The following GEMIN5 variants were observed in gnomAD, a reference collection of about 807,000 sequenced individuals.
GEMIN5 encodes the protein gem nuclear organelle associated protein 5.
In GEMIN5, 124 loss-of-function variants were observed where a neutral mutation model predicts 176.9. The ratio of observed to expected loss-of-function variants is 0.70; its 90% CI spans 0.61 to 0.81. The LOEUF is 0.81. GEMIN5 is among the 40% of genes least tolerant of loss of function. The pLI, the probability that GEMIN5 is intolerant of heterozygous loss-of-function variation, is 0.00. For synonymous variants in GEMIN5, 673 were observed against 665.2 expected (o/e 1.01, Z -0.18); for missense variants, 1,843 against 1,814.6 (o/e 1.02, Z -0.28).
At chr5:154,896,968 C>T (rs1763365062) in intron 23 of GEMIN5, among the ~76,000 whole-genome samples, 1 of 152,196 alleles carries the variant, frequency 6.6e-6, no homozygotes, top group South Asian at 2.1e-4. Flanking sequence ...GTCTCTGTTG[C>T]ACAAAACCAA....
At chr5:154,936,912 G>T in intron 2 of GEMIN5, 113 bp downstream of exon 2, 1 of 766,290 alleles carries the variant, frequency 1.3e-6, no homozygotes, top group Non-Finnish European at 2.1e-6. Context: ...TCTAATTAAT[G>T]AACACAATTA....
At chr5:154,914,515 T>C (rs1240664395) in intron 13 of GEMIN5, among the ~76,000 whole-genome samples, 1 of 151,058 alleles carries the variant, frequency 6.6e-6, no homozygotes, top group East Asian at 1.9e-4. Context: ...TTTACTTTTT[T>C]TTTTTTTTTT....
At position 154,903,636 on chromosome 5, in the gene GEMIN5, A is replaced by G. The variant is rs55847218; in HGVS notation, c.2633-461T>C. Among the ~76,000 whole-genome samples the G allele has an allele frequency of 9.7e-3, 1,483 of 152,302 alleles. 23 individuals are homozygous for G. Among genetic ancestry groups the G allele is most frequent in the African/African-American group, 0.033 (1,369 of 41,556 alleles). ...ATCTCCATCAAGACACAAGAAACTGATAATAGTTTGATTATGCAATACAGA... is the reference window on the plus strand; with the variant it reads ...ATCTCCATCAAGACACAAGAAACTGGTAATAGTTTGATTATGCAATACAGA... On this transcript the variant is annotated intron_variant, in intron 18 of 27. Transcript: ENST00000285873.
At position 154,887,967 on chromosome 5, in the gene GEMIN5, G is replaced by T. The variant is rs1025030141; in HGVS notation, c.*243C>A. On this transcript the variant is annotated 3_prime_UTR_variant, in exon 28 of 28. Transcript: ENST00000285873. ...CCAACACTCTGCAGGTGTTAGTTCT[G>T]AATAACTACTGTGGGCTTTTCATGA... 1 of 477,902 alleles carries T rather than the reference G, an allele frequency of 2.1e-6. No homozygotes were observed. Among genetic ancestry groups the T allele is most frequent in the Non-Finnish European group, 3.8e-6 (1 of 264,322 alleles). The allele number at this position is 477,902 out of a possible 1,614,324, so 29.6% of individuals were successfully genotyped here.
In GEMIN5 at chr5:154,902,656, C is replaced by T; in HGVS notation, c.2749G>A (p.Gly917Ser). Residue 917 changes from glycine to serine, a missense_variant, in exon 20 of 28, where the codon GGC (glycine) becomes AGC (serine). Gly to Ser is a moderately conservative substitution (Grantham distance 56). Transcript: ENST00000285873. Reference protein sequence around the residue: ...DIEGKGHLENGHPELFHQLML... With the variant: ...DIEGKGHLENSHPELFHQLML... ...AGCTGGTGAAATAACTCAGGGTGGC[C>T]ATTTTCTAAGTGACCTTTTCCTGTT... 6.2e-7 allele frequency: 1 copy of T among 1,613,960 alleles called. No individual in the cohort carries two copies. Among genetic ancestry groups the T allele is most frequent in the Non-Finnish European group, 8.5e-7 (1 of 1,179,882 alleles).
intron 3 of GEMIN5, 77 bp downstream of exon 3, chr5:154,935,764 G>T (rs970856120): frequency 2.0e-6 from 2 of 1,001,876 alleles, no homozygotes; most frequent in African/African-American, 3.2e-5. Context: ...GGAATAAAAG[G>T]ACAGAGAAGG....
chr5:154,915,735 C>T (rs150401997), intron 13 of GEMIN5, among the ~76,000 whole-genome samples: 17 of 152,230 alleles, frequency 1.1e-4, no homozygotes, highest in African/African-American at 3.4e-4. Context: ...CAATCAAACA[C>T]GGGAATGAGG....
At chr5:154,924,850 G>A (rs941322170) in intron 8 of GEMIN5, among the ~76,000 whole-genome samples, 4 of 151,738 alleles carry the variant, frequency 2.6e-5, no homozygotes, top group Admixed American at 6.6e-5. Flanking sequence ...TTAGCCAGGC[G>A]TGGTGGCGGG....
chr5:154,907,116 C>T (rs1403959060), intron 16 of GEMIN5, among the ~76,000 whole-genome samples: 1 of 152,148 alleles, frequency 6.6e-6, no homozygotes, highest in African/African-American at 2.4e-5. Context: ...ACCATTCACA[C>T]ATTTTTTTTC....
Position 154,927,463 on chromosome 5 carries a change from T to C in GEMIN5, c.1002A>G (p.Ser334=). 1 of 1,603,866 alleles carries C rather than the reference T, an allele frequency of 6.2e-7. No individual in the cohort carries two copies. The highest frequency in any genetic ancestry group is 8.5e-7 in the Non-Finnish European group (1 of 1,170,590). ...FSASSEGQNH[S]RIVFNLCPLQ... Reference sequence around the variant, plus strand: ...AAGGACATAAATTAAACACAATTCTTGAATGATTTTGCCCTTCTGATGAGG... The same window carrying C: ...AAGGACATAAATTAAACACAATTCTCGAATGATTTTGCCCTTCTGATGAGG... Residue 334 remains serine, a synonymous_variant, in exon 7 of 28, where the codon TCA becomes TCG. Transcript: ENST00000285873.
intron 4 of GEMIN5, 27 bp downstream of exon 4, chr5:154,932,072 C>CT: frequency 6.4e-7 from 1 of 1,566,230 alleles, no homozygotes; most frequent in Non-Finnish European, 8.7e-7. Context: ...CTCAAGTGGA[C>CT]TTAACTTTCC....
At position 154,899,193 on chromosome 5, in the gene GEMIN5, T is replaced by C. The variant is rs61749642; in HGVS notation, c.3132A>G (p.Lys1044=). ...ERDGHYAVAA[K]CYLGATCAYD... ...ATCCCTCCACTCCTCAGGCTTACCATTTGGCAGCTACAGCATAGTGGCCAT... is the reference window on the plus strand; with the variant it reads ...ATCCCTCCACTCCTCAGGCTTACCACTTGGCAGCTACAGCATAGTGGCCAT... Residue 1044 remains lysine (K), a splice_region_variant and synonymous_variant, in exon 22 of 28, where the codon AAA becomes AAG. Transcript: ENST00000285873. 2.5e-3 allele frequency: 3,951 copies of C among 1,610,108 alleles called. 7 individuals carry two copies. The highest frequency in any genetic ancestry group is 3.1e-3 in the Non-Finnish European group (3,681 of 1,178,102).
chr5:154,894,185 T>A (rs1294889273), intron 24 of GEMIN5, among the ~76,000 whole-genome samples: 1 of 152,156 alleles, frequency 6.6e-6, no homozygotes, highest in Non-Finnish European at 1.5e-5. Flanking sequence ...GCTCAAGCGA[T>A]CCACCCGCGT....
chr5:154,928,609 C>G lies in GEMIN5; in HGVS notation c.832G>C (p.Asp278His). 6.2e-7 allele frequency: 1 copy of G among 1,613,726 alleles called. No individual in the cohort carries two copies. Among genetic ancestry groups the G allele is most frequent in the Non-Finnish European group, 8.5e-7 (1 of 1,179,608 alleles). Residue 278 changes from aspartate to histidine, a missense_variant, in exon 6 of 28, where the codon GAC becomes CAC. By Grantham distance (81) the Asp-to-His change is moderately conservative. Coordinates refer to ENST00000285873, the MANE Select transcript of GEMIN5 (RefSeq NM_015465.5). ...PFLKRRGGGI[D>H]PTVKERLWLT... ...CAAAGGCGCTCTTTAACAGTTGGGT[C>G]TATACCCCCTCCTCTTCTCTTCAGA...
rs753664159 is a variant in GEMIN5 at position 154,927,426 on chromosome 5, CCT to C, written c.1037_1038del (p.Glu346GlyfsTer2). The C allele has an allele frequency of 6.3e-7, 1 of 1,593,732 alleles. No individual in the cohort carries two copies. Among genetic ancestry groups the C allele is most frequent in the African/African-American group, 1.3e-5 (1 of 74,804 alleles). On this transcript the variant is annotated frameshift_variant, in exon 7 of 28. Coordinates refer to ENST00000285873, the MANE Select transcript of GEMIN5 (RefSeq NM_015465.5). LOFTEE classifies it high-confidence loss of function. Reference sequence around the variant, plus strand: ...GTAGAAAGTAATAGCTGTTTGTCATCCTCTGTTTGTAAAGGACATAAATTAAA... The same window carrying C: ...GTAGAAAGTAATAGCTGTTTGTCATCCTGTTTGTAAAGGACATAAATTAAA... ...IVFNLCPLQTEDDKQLLLSTS... is the reference protein window; with the variant it reads ...IVFNLCPLQTXDDKQLLLSTS...
chr5:154,897,756 ATAGCT>A (rs1184421745), intron 23 of GEMIN5, among the ~76,000 whole-genome samples: 1 of 151,912 alleles, frequency 6.6e-6, no homozygotes, highest in African/African-American at 2.4e-5. Flanking sequence ...TTTTTTTTCC[ATAGCT>A]TACAGTTAAG....
At chr5:154,890,133 C>T (rs1416796215) in intron 26 of GEMIN5, among the ~76,000 whole-genome samples, 1 of 152,220 alleles carries the variant, frequency 6.6e-6, no homozygotes, top group African/African-American at 2.4e-5. Flanking sequence ...AACACTTGTT[C>T]TGTTTCTCTG....
rs772121157 is a variant in GEMIN5, at chr5:154,928,674, G to A, written c.782-15C>T. ...AATCATCACCCCTGCAGATTAAAAA[G>A]AAGGCCAGTGGGCACTCAAGACAGT... On this transcript the variant is annotated splice_polypyrimidine_tract_variant and intron_variant, in intron 5 of 27. Coordinates refer to ENST00000285873, the MANE Select transcript of GEMIN5 (RefSeq NM_015465.5). 18 of 1,612,436 alleles carry A rather than the reference G, an allele frequency of 1.1e-5. No homozygotes were observed. The South Asian group carries it at 1.8e-4, about 16-fold the overall frequency.
Position 154,924,583 on chromosome 5 carries a change from A to G in GEMIN5, c.1294-29T>C, listed in dbSNP as rs372695334. 150 of 1,405,070 alleles carry G rather than the reference A, an allele frequency of 1.1e-4. 1 individual carries two copies. The African/African-American group carries it at 2.0e-3, about 19-fold the overall frequency. 87.0% of individuals were successfully genotyped at this position (1,405,070 alleles called of 1,614,324 possible). On this transcript the variant is annotated intron_variant, in intron 8 of 27. Coordinates refer to ENST00000285873, the MANE Select transcript of GEMIN5 (RefSeq NM_015465.5). The stretch of plus-strand genomic sequence containing the variant: ...CAAAAAAAAGAGTTTCCAAGTGAGA[A>G]TATAAGAAGTGGGGCATATAGTTAA...
Sources: gnomAD v4.1 joint callset for allele counts (sites outside exome capture counted in the v4.1 genomes callset) on GRCh38, gnomAD v4.1.1 for gene constraint, MANE v1.5 for transcripts, NCBI Gene and HGNC (gene_info 2026-07-23, HGNC 2026-07-21) for gene names.